The following STK36 variants were observed in gnomAD, a reference collection of about 807,000 sequenced individuals.
The protein encoded by STK36 is serine/threonine kinase 36, also known as serine/threonine-protein kinase 36.
In STK36, 116 loss-of-function variants were observed where a neutral mutation model predicts 142.2. That is an observed-to-expected ratio of 0.82 (90% confidence interval 0.70 to 0.95). STK36 has a LOEUF of 0.95. STK36 is among the 40% of genes least tolerant of loss of function. The pLI, the probability that STK36 is intolerant of heterozygous loss-of-function variation, is 0.00. For missense variants in STK36, 1,422 were observed against 1,617.2 expected, an observed-to-expected ratio of 0.88 and a Z score of 2.07; for synonymous variants, 619 against 641.7, an observed-to-expected ratio of 0.96 and a Z score of 0.53.
Position 218,673,738 on chromosome 2 carries a change from G to T in STK36, c.198G>T (p.Met66Ile). The T allele has an allele frequency of 6.2e-7, 1 of 1,614,112 alleles. No homozygotes were observed. Among genetic ancestry groups the T allele is most frequent in the Non-Finnish European group, 8.5e-7 (1 of 1,180,006 alleles). Residue 66 changes from methionine (M) to isoleucine (I), a missense_variant, in exon 3 of 27, where the codon ATG becomes ATT. Physicochemically the swap from Met to Ile is conservative, Grantham distance 10 (BLOSUM62 1). Coordinates refer to ENST00000295709, the MANE Select transcript of STK36 (RefSeq NM_015690.5). ...TGCGGCATCCCAACATTGTGCATAT[G>T]CTTGACAGCTTTGAAACTGATAAAG... The part of the protein sequence containing the change: ...RGLRHPNIVH[M>I]LDSFETDKEV...
intron 23 of STK36, 76 bp from the exon 24 acceptor site, chr2:218,697,387 C>T: frequency 6.3e-7 from 1 of 1,578,910 alleles, no homozygotes; most frequent in Non-Finnish European, 8.6e-7. Context: ...TAGGTGTAGC[C>T]CTGGGAGCTG....
chr2:218,672,664 T>C (rs1575117591), intron 1 of STK36, 77 bp from the exon 2 acceptor site: 2 of 616,764 alleles, frequency 3.2e-6, no homozygotes, highest in East Asian at 2.8e-5. Flanking sequence ...CACCCTCCCA[T>C]GTTTTTTGAG....
In STK36 at chr2:218,673,880, T is replaced by C; in HGVS notation, c.227T>C (p.Val76Ala). 6.2e-7 allele frequency: 1 copy of C among 1,613,982 alleles called. No individual in the cohort carries two copies. The highest frequency in any genetic ancestry group is 2.2e-5 in the East Asian group (1 of 44,874). ...AGTGCCACTGCCTTCTCTCTGTAGG[T>C]GGTGGTGGTGACAGACTATGCTGAG... Reference protein sequence around the residue: ...MLDSFETDKEVVVVTDYAEGE... With the variant: ...MLDSFETDKEAVVVTDYAEGE... Residue 76 changes from valine to alanine, a missense_variant and splice_region_variant, in exon 4 of 27, where the codon GTG (valine) becomes GCG (alanine). Transcript: ENST00000295709.
intron 1 of STK36, 165 bp downstream of exon 1, chr2:218,672,380 C>T (rs1031139341): frequency 3.2e-6 from 1 of 309,786 alleles, no homozygotes; most frequent in African/African-American, 2.2e-5. Flanking sequence ...GAGAGGGGCT[C>T]TGGCCTGCGA....
chr2:218,685,087 G>A lies in STK36; in HGVS notation c.1239G>A (p.Glu413=). 4 of 1,614,082 alleles carry A rather than the reference G, an allele frequency of 2.5e-6. No individual in the cohort carries two copies. The highest frequency in any genetic ancestry group is 3.4e-6 in the Non-Finnish European group (4 of 1,179,978). Residue 413 remains glutamate (E), a splice_region_variant and synonymous_variant, in exon 11 of 27, where the codon GAG becomes GAA. Transcript: ENST00000295709. The part of the protein sequence containing the change: ...STDVVDLENE[E]PDSDNEWQHL... The stretch of plus-strand genomic sequence containing the variant: ...CCTTTCACTCCCCTCTGCCTCAGGA[G>A]CCAGACAGTGACAATGAGTGGCAGC...
At chr2:218,699,471 A>G (rs1373676526) in intron 26 of STK36, 123 bp downstream of exon 26, 1 of 1,412,920 alleles carries the variant, frequency 7.1e-7, no homozygotes, top group Admixed American at 2.5e-5. Flanking sequence ...TGTTTCTCCC[A>G]GGGACAGTGT....
intron 5 of STK36, 150 bp downstream of exon 5, chr2:218,675,623 C>T: frequency 2.1e-6 from 2 of 970,930 alleles, no homozygotes; most frequent in Non-Finnish European, 2.9e-6. Context: ...CTCCCGGATT[C>T]AAGCAATTCT....
rs1391284033 is a variant in STK36, at chr2:218,698,619, T to G, written c.3075T>G (p.Leu1025=). The G allele has an allele frequency of 6.2e-7, 1 of 1,613,836 alleles. No individual in the cohort carries two copies. Among genetic ancestry groups the G allele is most frequent in the Non-Finnish European group, 8.5e-7 (1 of 1,179,912 alleles). The change falls in exon 26 of 27, where the codon CTT becomes CTG. Residue 1025 remains leucine, a synonymous_variant. Transcript: ENST00000295709. ...AHLLQVCCYH[L]PLMQVELPIS... is the part of the protein sequence containing the mutation. The stretch of plus-strand genomic sequence containing the variant: ...TCTCTCAGGTCTGCTGCTACCATCT[T>G]CCGTTGATGCAAGTGGAGCTGCCCA...
chr2:218,681,103 C>T (rs969995829), intron 10 of STK36, among the ~76,000 whole-genome samples: 5 of 151,884 alleles, frequency 3.3e-5, no homozygotes, highest in Admixed American at 2.6e-4. Flanking sequence ...TCTTTCTACA[C>T]CAGAGCATGT....
intron 1 of STK36, 126 bp downstream of exon 1, chr2:218,672,341 G>A: frequency 2.9e-6 from 1 of 343,258 alleles, no homozygotes; most frequent in Non-Finnish European, 5.4e-6. Flanking sequence ...CTTGGCCTGA[G>A]GAGCTTGGAG....
At chr2:218,682,723 AG>A (rs1940582176) in intron 10 of STK36, among the ~76,000 whole-genome samples, 1 of 152,084 alleles carries the variant, frequency 6.6e-6, no homozygotes, top group African/African-American at 2.4e-5. Flanking sequence ...CCTTCTGAGT[AG>A]CTGGGACTAC....
chr2:218,701,966 G>A lies in STK36; in HGVS notation c.3905G>A (p.Cys1302Tyr), dbSNP rs1166209842. Residue 1302 changes from cysteine (C) to tyrosine (Y), a missense_variant, in exon 27 of 27, where the codon TGC becomes TAC. Cys to Tyr is a radical substitution (Grantham distance 194). Transcript: ENST00000295709. ...CCTAGGCCTGCCTCTGCCAAACACT[G>A]CAGGAAACTCATTCACCTCCTGAGG... ...SSPRPASAKHCRKLIHLLRPA... is the reference protein window; with the variant it reads ...SSPRPASAKHYRKLIHLLRPA... 1.2e-6 allele frequency: 2 copies of A among 1,614,076 alleles called. No homozygotes were observed. The highest frequency in any genetic ancestry group is 1.7e-5 in the Admixed American group (1 of 59,996).
At chr2:218,685,995 T>C (rs899237552) in intron 11 of STK36, among the ~76,000 whole-genome samples, 1 of 152,028 alleles carries the variant, frequency 6.6e-6, no homozygotes, top group African/African-American at 2.4e-5. Flanking sequence ...TGGAGTGTAG[T>C]GGTGTGATCT....
chr2:218,695,925 G>A (rs1263613674), intron 21 of STK36, among the ~76,000 whole-genome samples: 3 of 145,510 alleles, frequency 2.1e-5, no homozygotes, highest in Non-Finnish European at 3.0e-5. Context: ...GTGCAGTGGC[G>A]TGATCTCGGC....
chr2:218,681,071 T>C (rs1940496741), intron 10 of STK36, among the ~76,000 whole-genome samples: 1 of 152,076 alleles, frequency 6.6e-6, no homozygotes, highest in Non-Finnish European at 1.5e-5. Context: ...ACATCATACC[T>C]CCTTCACTGT....
chr2:218,698,651 T>C lies in STK36; in HGVS notation c.3107T>C (p.Leu1036Pro). 1 of 1,614,210 alleles carries C rather than the reference T, an allele frequency of 6.2e-7. No individual in the cohort carries two copies. Among genetic ancestry groups the C allele is most frequent in the Non-Finnish European group, 8.5e-7 (1 of 1,180,048 alleles). The change falls in exon 26 of 27, where the codon CTT becomes CCT. Residue 1036 changes from leucine to proline, a missense_variant. Leu to Pro is a moderately conservative substitution (Grantham distance 98, BLOSUM62 -3). Transcript: ENST00000295709. ...ATGCAAGTGGAGCTGCCCATCAGCC[T>C]TCTCACACGCCTGGCCCTCATGGAT... ...PLMQVELPISLLTRLALMDPT... is the reference protein window; with the variant it reads ...PLMQVELPISPLTRLALMDPT...
Position 218,692,631 on chromosome 2 carries a change from C to G in STK36, c.1964C>G (p.Pro655Arg), listed in dbSNP as rs1216624241. 1.9e-6 allele frequency: 3 copies of G among 1,613,784 alleles called. No individual in the cohort carries two copies. Among genetic ancestry groups the G allele is most frequent in the Non-Finnish European group, 1.7e-6 (2 of 1,180,030 alleles). ...QPLREQSEDI[P>R]GAISSALAAI... is the part of the protein sequence containing the mutation. ...CTGCGAGAGCAGAGTGAGGATATAC[C>G]TGGAGCCATTTCCTCTGCCCTGGCA... is the stretch of plus-strand genomic sequence containing the variant. Residue 655 changes from proline (P) to arginine (R), a missense_variant, in exon 16 of 27, where the codon CCT becomes CGT. Physicochemically the swap from Pro to Arg is moderately radical, Grantham distance 103. Transcript: ENST00000295709.
intron 25 of STK36, 90 bp from the exon 26 acceptor site, chr2:218,698,512 C>G: frequency 1.3e-6 from 2 of 1,495,286 alleles, no homozygotes; most frequent in Non-Finnish European, 9.0e-7. Flanking sequence ...CTCACCATAG[C>G]TTGGCTTTTC....
At chr2:218,676,434 C>T (rs1221487540) in intron 6 of STK36, among the ~76,000 whole-genome samples, 156 bp downstream of exon 6, 1 of 152,082 alleles carries the variant, frequency 6.6e-6, no homozygotes, top group African/African-American at 2.4e-5. Flanking sequence ...CTATACAGAA[C>T]CACCTGAGAC....
Sources: allele counts gnomAD v4.1 joint callset (sites outside exome capture counted in the v4.1 genomes callset), GRCh38; gene constraint gnomAD v4.1.1; transcripts MANE v1.5; gene names NCBI Gene and HGNC (gene_info 2026-07-23, HGNC 2026-07-21).